Variants in PLEKHM3 observed in about 807,000 individuals in gnomAD.
The protein encoded by PLEKHM3 is pleckstrin homology domain containing M3.
In PLEKHM3, 45 loss-of-function variants were observed where a neutral mutation model predicts 81.8. That is an observed-to-expected ratio of 0.55 (90% CI 0.43 to 0.71). PLEKHM3 has a LOEUF of 0.71. PLEKHM3 is among the 30% of genes least tolerant of loss of function. PLEKHM3 has a pLI of 0.00. For synonymous variants in PLEKHM3, 352 were observed against 356.4 expected (o/e 0.99, Z 0.14); for missense variants, 788 against 924.3 (o/e 0.85, Z 1.91).
intron 3 of PLEKHM3, among the ~76,000 whole-genome samples, chr2:207,957,180 A>T (rs1431849944): frequency 6.6e-6 from 1 of 152,220 alleles, no homozygotes; most frequent in Admixed American, 6.5e-5. Context: ...TCCAAAAAAC[A>T]TAGTTCAAAA....
chr2:207,927,251 T>C (rs190687909), intron 5 of PLEKHM3, among the ~76,000 whole-genome samples: 27 of 152,322 alleles, frequency 1.8e-4, no homozygotes, highest in African/African-American at 6.0e-4. Flanking sequence ...GCCTTAAATA[T>C]TGATTTTGGA....
At chr2:207,898,973 G>C (rs186827526) in intron 6 of PLEKHM3, among the ~76,000 whole-genome samples, 2 of 152,282 alleles carry the variant, frequency 1.3e-5, no homozygotes, top group Non-Finnish European at 1.5e-5. Flanking sequence ...GCTTTAGCCG[G>C]AAGTTCAAAT....
intron 6 of PLEKHM3, among the ~76,000 whole-genome samples, chr2:207,871,499 C>T (rs996788531): frequency 5.3e-5 from 8 of 152,178 alleles, no homozygotes; most frequent in African/African-American, 1.7e-4. Flanking sequence ...TATCAAATTA[C>T]ATTTTGCTCT....
At chr2:207,946,599 C>T (rs1456414969) in intron 3 of PLEKHM3, 87 bp from the exon 4 acceptor site, 1 of 1,490,892 alleles carries the variant, frequency 6.7e-7, no homozygotes, top group Non-Finnish European at 9.0e-7. Flanking sequence ...CATCACAGAA[C>T]AAGGTTATAT....
In PLEKHM3 at chr2:207,825,707, G is replaced by A. The variant is rs1435995463; in HGVS notation, c.*2612C>T. On this transcript the variant is annotated 3_prime_UTR_variant, in exon 8 of 8. Coordinates refer to ENST00000427836, the MANE Select transcript of PLEKHM3 (RefSeq NM_001080475.3). ...TGGTGGCAGAGAATGTCATAGGCCT[G>A]TGGCTGGCACCGACCAAGCTGTCAG... is the stretch of plus-strand genomic sequence containing the variant. 1.3e-5 allele frequency: 2 copies of A among 152,254 alleles called. No homozygotes were observed. The highest frequency in any genetic ancestry group is 2.9e-5 in the Non-Finnish European group (2 of 68,080). 9.4% of individuals were successfully genotyped at this position (152,254 alleles called of 1,614,324 possible).
chr2:208,023,749 C>G (rs1261140507), intron 1 of PLEKHM3, among the ~76,000 whole-genome samples: 1 of 152,154 alleles, frequency 6.6e-6, no homozygotes, highest in Non-Finnish European at 1.5e-5. Flanking sequence ...CTTCCGGTCC[C>G]TGGTGCCAAA....
intron 6 of PLEKHM3, among the ~76,000 whole-genome samples, chr2:207,870,489 C>T (rs1384889031): frequency 6.6e-6 from 1 of 152,248 alleles, no homozygotes; most frequent in East Asian, 1.9e-4. Flanking sequence ...TCACCTGCCA[C>T]TCACTAGGAA....
intron 5 of PLEKHM3, among the ~76,000 whole-genome samples, chr2:207,916,566 C>T (rs1185011894): frequency 6.6e-6 from 1 of 151,966 alleles, no homozygotes; most frequent in Non-Finnish European, 1.5e-5. Context: ...ATGGTTGAAA[C>T]TCCATCTCTT....
In PLEKHM3 at chr2:207,822,466, T is replaced by C. The variant is rs946573839; in HGVS notation, c.*5853A>G. Reference sequence around the variant, plus strand: ...ATGACATTCCCCTGAGTTTGGTTAATGAAAGCAAACAAACAAATAAACAAA... The same window carrying C: ...ATGACATTCCCCTGAGTTTGGTTAACGAAAGCAAACAAACAAATAAACAAA... On this transcript the variant is annotated 3_prime_UTR_variant, in exon 8 of 8. Coordinates refer to ENST00000427836, the MANE Select transcript of PLEKHM3 (RefSeq NM_001080475.3). 9 of 152,900 alleles carry C rather than the reference T, an allele frequency of 5.9e-5. No individual in the cohort carries two copies. Among genetic ancestry groups the C allele is most frequent in the African/African-American group, 2.2e-4 (9 of 41,574 alleles). The allele number at this position is 152,900 out of a possible 1,614,324, so 9.5% of individuals were successfully genotyped here.
At chr2:207,998,557 T>G (rs1692194080) in intron 2 of PLEKHM3, among the ~76,000 whole-genome samples, 1 of 152,156 alleles carries the variant, frequency 6.6e-6, no homozygotes, top group South Asian at 2.1e-4. Context: ...CAGAATATAT[T>G]ATAGCGATAC....
intron 5 of PLEKHM3, among the ~76,000 whole-genome samples, chr2:207,908,949 G>A (rs561032883): frequency 1.3e-5 from 2 of 152,316 alleles, no homozygotes; most frequent in South Asian, 4.1e-4. Context: ...CTTCACAGCA[G>A]AATGAGGGTG....
chr2:207,841,499 A>ACG (rs2092354001), intron 7 of PLEKHM3, among the ~76,000 whole-genome samples: 3 of 126,996 alleles, frequency 2.4e-5, no homozygotes, highest in African/African-American at 8.8e-5. Context: ...ATATATATAT[A>ACG]TATATATATT....
At chr2:207,972,430 T>C (rs1159099300) in intron 3 of PLEKHM3, among the ~76,000 whole-genome samples, 1 of 151,534 alleles carries the variant, frequency 6.6e-6, no homozygotes, top group African/African-American at 2.4e-5. Flanking sequence ...CTACTAAAAA[T>C]ACAAAAATTA....
At chr2:207,891,319 T>C (rs1301632910) in intron 6 of PLEKHM3, among the ~76,000 whole-genome samples, 1 of 152,264 alleles carries the variant, frequency 6.6e-6, no homozygotes, top group African/African-American at 2.4e-5. Context: ...GCATTCACTA[T>C]ATGCCAAACT....
intron 6 of PLEKHM3, among the ~76,000 whole-genome samples, chr2:207,869,213 C>T (rs894624847): frequency 2.0e-5 from 3 of 152,114 alleles, no homozygotes; most frequent in Non-Finnish European, 2.9e-5. Context: ...TTAAACCAGG[C>T]GGTCATTTGG....
At chr2:207,889,475 ACACACAC>A (rs1687985594) in intron 6 of PLEKHM3, among the ~76,000 whole-genome samples, 1 of 145,542 alleles carries the variant, frequency 6.9e-6, no homozygotes, top group African/African-American at 2.6e-5. Flanking sequence ...ACACACACAC[ACACACAC>A]ACGGCCCTAA....
At chr2:207,979,741 T>C (rs1691457399) in intron 2 of PLEKHM3, among the ~76,000 whole-genome samples, 1 of 151,958 alleles carries the variant, frequency 6.6e-6, no homozygotes, top group African/African-American at 2.4e-5. Flanking sequence ...TGGCTAAAGA[T>C]TTCTGCTTTT....
intron 7 of PLEKHM3, among the ~76,000 whole-genome samples, chr2:207,849,734 C>T (rs2092402369): frequency 6.6e-6 from 1 of 152,194 alleles, no homozygotes; most frequent in African/African-American, 2.4e-5. Flanking sequence ...TTACCTCAGA[C>T]TTGTGTTATG....
rs1016948898 is a variant in PLEKHM3, at chr2:208,004,817, C to T, written c.-318-2860G>A. Among the ~76,000 whole-genome samples, 114 of 152,196 alleles carry T rather than the reference C, an allele frequency of 7.5e-4. 1 individual carries two copies. Among genetic ancestry groups the T allele is most frequent in the African/African-American group, 2.6e-3 (108 of 41,534 alleles). ...TTTAAATAAACTTTTCATTTTAAAACAGTTTTTTGTTTGTTTGTTTTTTTC... is the reference window on the plus strand; with the variant it reads ...TTTAAATAAACTTTTCATTTTAAAATAGTTTTTTGTTTGTTTGTTTTTTTC... On this transcript the variant is annotated intron_variant, in intron 1 of 7. Transcript: ENST00000427836.
Sources: allele counts gnomAD v4.1 joint callset (sites outside exome capture counted in the v4.1 genomes callset), GRCh38; gene constraint gnomAD v4.1.1; transcripts MANE v1.5; gene names NCBI Gene and HGNC (gene_info 2026-07-23, HGNC 2026-07-21).